The following PLXNA2 variants were observed in gnomAD, a reference collection of about 807,000 sequenced individuals.
The protein encoded by PLXNA2 is plexin A2, also known as plexin-A2.
PLXNA2 carries 91 observed loss-of-function variants against 193.5 expected under a neutral mutation model. That is an observed-to-expected ratio of 0.47 (90% CI 0.40 to 0.56). The LOEUF (loss-of-function observed/expected upper bound fraction) is 0.56. Ranked by LOEUF, PLXNA2 falls within the 20% of genes least tolerant of loss-of-function variation. PLXNA2 has a pLI of 0.00. For synonymous variants in PLXNA2, 997 were observed against 1,027.3 expected, an observed-to-expected ratio of 0.97 and a Z score of 0.56; for missense variants, 1,995 against 2,503.2, an observed-to-expected ratio of 0.80 and a Z score of 4.33.
chr1:208,183,607 A>AGGGGGGGGG (rs367756173), intron 3 of PLXNA2, among the ~76,000 whole-genome samples: 12 of 105,242 alleles, frequency 1.1e-4, no homozygotes, highest in Admixed American at 2.8e-4. Flanking sequence ...AGAGAGGGAG[A>AGGGGGGGGG]GGGGGGGGTC....
Position 208,028,231 on chromosome 1 carries a change from G to C in PLXNA2, c.5439-72C>G. ...TTACCTATAGCTACCCCGGGCCCAG[G>C]TCCTTCGAGGGCACTGATGTACCCA... On this transcript the variant is annotated intron_variant, in intron 30 of 31. Coordinates refer to ENST00000367033, the MANE Select transcript of PLXNA2 (RefSeq NM_025179.4). This position sits in a 1 kb window ranked among gnomAD's most constrained non-coding sequence, Gnocchi z 4.2. 2.8e-6 allele frequency: 4 copies of C among 1,433,692 alleles called. No individual in the cohort carries two copies. The highest frequency in any genetic ancestry group is 3.8e-6 in the Non-Finnish European group (4 of 1,059,444). 88.8% of individuals were successfully genotyped at this position (1,433,692 alleles called of 1,614,324 possible).
rs948146198 is a variant in PLXNA2 at position 208,229,633 on chromosome 1, G to A, written c.-80-11631C>T. Among the ~76,000 whole-genome samples the A allele has an allele frequency of 2.0e-5, 3 of 152,186 alleles. No individual in the cohort carries two copies. In the East Asian group the frequency reaches 5.8e-4, roughly 29 times the overall value. ...ATTTGCCTTGAACCCACTGGGTGAG[G>A]CTAGATGGGTGAGGTGGGAAGAAAG... On this transcript the variant is annotated intron_variant, in intron 1 of 31. Coordinates refer to ENST00000367033, the MANE Select transcript of PLXNA2 (RefSeq NM_025179.4).
rs1253297992 is a variant in PLXNA2, at chr1:208,082,365, C to T, written c.2395+47G>A. 6.8e-7 allele frequency: 1 copy of T among 1,474,534 alleles called. No individual in the cohort carries two copies. The highest frequency in any genetic ancestry group is 9.4e-7 in the Non-Finnish European group (1 of 1,060,272). 91.3% of individuals were successfully genotyped at this position (1,474,534 alleles called of 1,614,324 possible). A position where few individuals can be genotyped will look rare whatever the true frequency, so the allele number is the denominator to read the frequency against. On this transcript the variant is annotated intron_variant, in intron 11 of 31. Coordinates refer to ENST00000367033, the MANE Select transcript of PLXNA2 (RefSeq NM_025179.4). This position sits in a 1 kb window ranked among gnomAD's most constrained non-coding sequence, Gnocchi z 4.2. ...CTGATCCCTCTAGCCCCAGTCTTTCCCGGGGTCGTGAAAAGATCAAACTTC... is the reference window on the plus strand; with the variant it reads ...CTGATCCCTCTAGCCCCAGTCTTTCTCGGGGTCGTGAAAAGATCAAACTTC...
chr1:208,156,015 T>C, intron 3 of PLXNA2, among the ~76,000 whole-genome samples: 1 of 152,200 alleles, frequency 6.6e-6, no homozygotes, highest in South Asian at 2.1e-4. Context: ...GGAGAGCCTA[T>C]GTGGCTGGTG....
chr1:208,201,973 A>ATTTTTTTTTTTTTTTTTTTT (rs59313982), intron 3 of PLXNA2, among the ~76,000 whole-genome samples: 3 of 132,626 alleles, frequency 2.3e-5, no homozygotes, highest in Non-Finnish European at 3.3e-5. Context: ...CAGGGCAAGA[A>ATTTTTTTTTTTTTTTTTTTT]TTTTTTTTTT....
chr1:208,084,266 G>T, intron 10 of PLXNA2, 114 bp downstream of exon 10: 1 of 1,111,316 alleles, frequency 9.0e-7, no homozygotes, highest in Non-Finnish European at 1.3e-6. Context: ...GGGGATGTGG[G>T]CTCAGCCTGT....
intron 1 of PLXNA2, among the ~76,000 whole-genome samples, chr1:208,223,428 G>A (rs577891118): frequency 3.3e-5 from 5 of 152,244 alleles, no homozygotes; most frequent in Admixed American, 2.0e-4. Context: ...TCCTGTTTTC[G>A]GGAAAGTGGA....
intron 4 of PLXNA2, among the ~76,000 whole-genome samples, chr1:208,124,565 G>A (rs1485124661): frequency 6.6e-6 from 1 of 151,264 alleles, no homozygotes; most frequent in Non-Finnish European, 1.5e-5. Flanking sequence ...TGTAATCCCA[G>A]CTACTTGGGA....
chr1:208,214,513 T>A (rs1671062985), intron 2 of PLXNA2, among the ~76,000 whole-genome samples: 1 of 152,332 alleles, frequency 6.6e-6, no homozygotes, highest in Middle Eastern at 3.4e-3. Context: ...AATAGAAGCG[T>A]AGCCTTGGAA....
At chr1:208,147,008 G>A (rs899436402) in intron 3 of PLXNA2, among the ~76,000 whole-genome samples, 1 of 152,106 alleles carries the variant, frequency 6.6e-6, no homozygotes. Context: ...ACCAGCAAAA[G>A]ACAAAATGTG....
At chr1:208,145,870 T>C (rs1282394387) in intron 3 of PLXNA2, among the ~76,000 whole-genome samples, 3 of 152,182 alleles carry the variant, frequency 2.0e-5, no homozygotes, top group East Asian at 3.9e-4. Flanking sequence ...GAAAATGTTG[T>C]TGGTACTGAA....
intron 12 of PLXNA2, among the ~76,000 whole-genome samples, chr1:208,075,136 C>A (rs1219445113): frequency 6.6e-6 from 1 of 151,924 alleles, no homozygotes; most frequent in Admixed American, 6.5e-5. Flanking sequence ...CATAGTGAAA[C>A]CCTGTCTCCA....
At chr1:208,241,028 T>C (rs1489775337) in intron 1 of PLXNA2, among the ~76,000 whole-genome samples, 1 of 152,148 alleles carries the variant, frequency 6.6e-6, no homozygotes, top group Admixed American at 6.5e-5. Flanking sequence ...ACCATAAATA[T>C]TTCATAGCAC....
chr1:208,225,592 C>T (rs1325389205), intron 1 of PLXNA2, among the ~76,000 whole-genome samples: 9 of 152,198 alleles, frequency 5.9e-5, no homozygotes, highest in Non-Finnish European at 1.0e-4. Context: ...GGATTACAGG[C>T]GTGAGCCATG....
intron 9 of PLXNA2, among the ~76,000 whole-genome samples, chr1:208,086,526 T>C (rs747579343): frequency 1.3e-5 from 2 of 151,842 alleles, no homozygotes; most frequent in Non-Finnish European, 2.9e-5. Flanking sequence ...CTGGGGGAAA[T>C]TCTGCACAGA....
intron 10 of PLXNA2, among the ~76,000 whole-genome samples, chr1:208,083,810 C>T (rs1666423539): frequency 6.8e-6 from 1 of 146,208 alleles, no homozygotes; most frequent in South Asian, 2.4e-4. Context: ...ACTGCTTCCT[C>T]CTACCCCTCC....
At position 208,217,983 on chromosome 1, in the gene PLXNA2, C is replaced by T. The variant is rs753455543; in HGVS notation, c.-61G>A. ...GTGTGCTCATCTGCTCCACCTTCCC[C>T]GGTTGGCCCTCACATGATTCTGCAA... On this transcript the variant is annotated 5_prime_UTR_variant, in exon 2 of 32. Transcript: ENST00000367033. The surrounding 1 kb of genome is among the most constrained non-coding windows in gnomAD (Gnocchi z 4.7). 25 of 1,578,384 alleles carry T rather than the reference C, an allele frequency of 1.6e-5. No individual in the cohort carries two copies. The highest frequency in any genetic ancestry group is 1.7e-4 in the Middle Eastern group (1 of 5,958).
intron 5 of PLXNA2, 125 bp downstream of exon 5, chr1:208,103,022 C>T (rs796807516): frequency 1.2e-4 from 89 of 728,258 alleles, no homozygotes; most frequent in African/African-American, 1.1e-3. Context: ...ACTGAAGCCA[C>T]GATTAGAATT....
chr1:208,045,398 G>T (rs747340139), intron 18 of PLXNA2, among the ~76,000 whole-genome samples, 188 bp from the exon 19 acceptor site: 3 of 152,150 alleles, frequency 2.0e-5, no homozygotes, highest in Middle Eastern at 6.3e-3. Flanking sequence ...GAAAACAGAC[G>T]CAGGAGAGAA....
Sources: allele counts gnomAD v4.1 joint callset (sites outside exome capture counted in the v4.1 genomes callset), GRCh38; gene constraint gnomAD v4.1.1; non-coding constraint Gnocchi (gnomAD v3.1); transcripts MANE v1.5; gene names NCBI Gene and HGNC (gene_info 2026-07-23, HGNC 2026-07-21).